The following STAU2 variants were observed in gnomAD, a reference collection of about 807,000 sequenced individuals.
STAU2 encodes the protein double-stranded RNA-binding protein Staufen homolog 2.
Under a neutral mutation model 65.9 loss-of-function variants are expected in STAU2, and 20 were observed. That is an observed-to-expected ratio of 0.30 (90% CI 0.21 to 0.44). The LOEUF (loss-of-function observed/expected upper bound fraction) is 0.44. Ranked by LOEUF, STAU2 falls within the 20% of genes least tolerant of loss-of-function variation. STAU2 has a pLI of 1.00. For synonymous variants in STAU2, 232 were observed against 233.9 expected, an observed-to-expected ratio of 0.99 and a Z score of 0.07; for missense variants, 558 against 683.9, an observed-to-expected ratio of 0.82 and a Z score of 2.05.
At chr8:73,619,426 A>C (rs558102970) in intron 6 of STAU2, among the ~76,000 whole-genome samples, 39 of 152,354 alleles carry the variant, frequency 2.6e-4, no homozygotes, top group African/African-American at 8.9e-4. Flanking sequence ...GTTTGTTTCC[A>C]AGCAAAAAGA....
intron 1 of STAU2, among the ~76,000 whole-genome samples, chr8:73,743,696 C>A (rs990051926): frequency 6.6e-6 from 1 of 151,470 alleles, no homozygotes; most frequent in Non-Finnish European, 1.5e-5. Context: ...TGGTCTCGAA[C>A]CCCCAACCCT....
At chr8:73,539,096 G>C (rs1806359978) in intron 13 of STAU2, among the ~76,000 whole-genome samples, 2 of 152,216 alleles carry the variant, frequency 1.3e-5, no homozygotes, top group South Asian at 4.1e-4. Context: ...CAAGAAGAAA[G>C]AAGTTTGGAT....
intron 12 of STAU2, among the ~76,000 whole-genome samples, chr8:73,579,000 A>C: frequency 6.7e-6 from 1 of 149,262 alleles, no homozygotes; most frequent in African/African-American, 2.5e-5. Flanking sequence ...CCCCCAAAAA[A>C]ACCAAAAAAA....
chr8:73,621,321 T>C (rs1024763976), intron 6 of STAU2, among the ~76,000 whole-genome samples: 2 of 152,152 alleles, frequency 1.3e-5, no homozygotes, highest in East Asian at 1.9e-4. Context: ...CCTCTCCTGC[T>C]GTCCTGTGAA....
intron 1 of STAU2, 50 bp downstream of exon 1, chr8:73,746,733 G>C: frequency 8.8e-7 from 1 of 1,140,486 alleles, no homozygotes; most frequent in Non-Finnish European, 1.1e-6. Context: ...CTTCTTCGCC[G>C]GCGGCGCGGA....
In STAU2 at chr8:73,592,217, C is replaced by T. The variant is rs377383173; in HGVS notation, c.1161+2949G>A. On this transcript the variant is annotated intron_variant, in intron 11 of 14. Coordinates refer to ENST00000524300, the MANE Select transcript of STAU2 (RefSeq NM_001164380.2). ...AAATTTTATAAACCCCCTAGCTAAA[C>T]TGAACAGAAGAAAAAGAGAAAAGAA... is the stretch of plus-strand genomic sequence containing the variant. Among the ~76,000 whole-genome samples, 3 of 151,108 alleles carry T rather than the reference C, an allele frequency of 2.0e-5. No homozygotes were observed. In the East Asian group the frequency reaches 5.9e-4, roughly 30 times the overall value.
At chr8:73,476,222 T>G (rs1229715031) in intron 13 of STAU2, among the ~76,000 whole-genome samples, 1 of 152,190 alleles carries the variant, frequency 6.6e-6, no homozygotes, top group Non-Finnish European at 1.5e-5. Flanking sequence ...ATCAGGCCCT[T>G]CTACACACCT....
At chr8:73,656,462 C>T (rs1050172947) in intron 6 of STAU2, among the ~76,000 whole-genome samples, 1 of 152,216 alleles carries the variant, frequency 6.6e-6, no homozygotes, top group Admixed American at 6.5e-5. Flanking sequence ...ACATTTGCTA[C>T]AATTATTCAG....
chr8:73,619,841 T>C (rs1813097735), intron 6 of STAU2, among the ~76,000 whole-genome samples: 1 of 151,910 alleles, frequency 6.6e-6, no homozygotes, highest in Non-Finnish European at 1.5e-5. Context: ...CAGTGTCAAA[T>C]GAAGGAGAGG....
chr8:73,658,339 G>A (rs1816545462), intron 6 of STAU2, among the ~76,000 whole-genome samples: 1 of 151,572 alleles, frequency 6.6e-6, no homozygotes, highest in Non-Finnish European at 1.5e-5. Context: ...TTGCATTCCA[G>A]CCTGGGCAAC....
At chr8:73,703,095 T>C (rs1371168218) in intron 4 of STAU2, among the ~76,000 whole-genome samples, 4 of 152,104 alleles carry the variant, frequency 2.6e-5, no homozygotes, top group Non-Finnish European at 5.9e-5. Flanking sequence ...ATGTCTGATA[T>C]GGTTTGGATC....
chr8:73,621,776 G>A (rs780886323), intron 6 of STAU2, among the ~76,000 whole-genome samples: 1 of 152,104 alleles, frequency 6.6e-6, no homozygotes, highest in African/African-American at 2.4e-5. Flanking sequence ...TGCTGCATCA[G>A]AGTTTCTGAG....
rs1166220937 is a variant in STAU2, at chr8:73,498,815, C to T, written c.1530+53197G>A. On this transcript the variant is annotated intron_variant, in intron 13 of 14. Transcript: ENST00000524300. ...TACCCCATGAGACATAAACATTGAG[C>T]AGCTAAGGGAATGTGACGGTTAATT... Among the ~76,000 whole-genome samples the T allele has an allele frequency of 2.1e-4, 32 of 151,774 alleles. 1 individual carries two copies. The highest frequency in any genetic ancestry group is 1.5e-5 in the Non-Finnish European group (1 of 67,858).
At chr8:73,455,705 T>G (rs551243282) in intron 13 of STAU2, among the ~76,000 whole-genome samples, 1 of 152,314 alleles carries the variant, frequency 6.6e-6, no homozygotes, top group East Asian at 1.9e-4. Context: ...TCTCCAAATT[T>G]CGTGTCTGTC....
At chr8:73,711,258 T>G (rs1167344377) in intron 3 of STAU2, among the ~76,000 whole-genome samples, 2 of 151,982 alleles carry the variant, frequency 1.3e-5, no homozygotes, top group African/African-American at 2.4e-5. Flanking sequence ...TCACACAAAT[T>G]TTATAAAACA....
intron 11 of STAU2, among the ~76,000 whole-genome samples, chr8:73,590,331 G>A (rs1464323142): frequency 6.6e-6 from 1 of 151,832 alleles, no homozygotes; most frequent in African/African-American, 2.4e-5. Context: ...ATATATTAAA[G>A]GCTGAGAGAG....
chr8:73,609,600 G>A (rs1812296024), intron 9 of STAU2, among the ~76,000 whole-genome samples: 1 of 152,120 alleles, frequency 6.6e-6, no homozygotes. Context: ...GTTGCAGTGA[G>A]CCGAGATCAT....
At chr8:73,555,786 T>C (rs554730584) in intron 12 of STAU2, among the ~76,000 whole-genome samples, 9 of 152,350 alleles carry the variant, frequency 5.9e-5, no homozygotes, top group African/African-American at 1.9e-4. Flanking sequence ...TGGATTTTGG[T>C]ATCTATAAGG....
intron 6 of STAU2, among the ~76,000 whole-genome samples, chr8:73,664,400 T>C (rs929759225): frequency 1.3e-5 from 2 of 152,232 alleles, no homozygotes; most frequent in East Asian, 1.9e-4. Context: ...ATTCAGTCTT[T>C]CACTATAAAG....
Sources: allele counts gnomAD v4.1 joint callset (sites outside exome capture counted in the v4.1 genomes callset), GRCh38; gene constraint gnomAD v4.1.1; transcripts MANE v1.5; gene names NCBI Gene and HGNC (gene_info 2026-07-23, HGNC 2026-07-21).